The following CCNI2 variants were observed in gnomAD, a reference collection of about 807,000 sequenced individuals.
CCNI2 encodes cyclin-I2.
Under a neutral mutation model 33.2 loss-of-function variants are expected in CCNI2, and 32 were observed. The observed-to-expected ratio is 0.96, with a 90% CI of 0.73 to 1.30. CCNI2 has a LOEUF of 1.30. CCNI2 is among the 50% of genes most tolerant of loss of function. The pLI is 0.00. For synonymous variants in CCNI2, 231 were observed against 219.9 expected (o/e 1.05, Z -0.45); for missense variants, 452 against 486.2 (o/e 0.93, Z 0.66).
rs775192460 is a variant in CCNI2 at position 132,752,865 on chromosome 5, G to A, written c.1006-1G>A. ...AAGATGGCCACTCTATTCTAATACA[G>A]GTTGGTGATATGCAGTACAGCTGCT... On this transcript the variant is annotated splice_acceptor_variant, in intron 5 of 5. Transcript: ENST00000378731. LOFTEE classifies it high-confidence loss of function. 6.2e-6 allele frequency: 10 copies of A among 1,613,076 alleles called. No individual in the cohort carries two copies. The highest frequency in any genetic ancestry group is 8.5e-6 in the Non-Finnish European group (10 of 1,179,234).
At position 132,754,209 on chromosome 5, in the gene CCNI2, C is replaced by T. The variant is rs1755130499; in HGVS notation, c.*1239C>T. On this transcript the variant is annotated 3_prime_UTR_variant, in exon 6 of 6. Coordinates refer to ENST00000378731, the MANE Select transcript of CCNI2 (RefSeq NM_001039780.4). ...TTGAGCTACCATGCATTTAGCCTTG[C>T]GAGAGTCAGATACATTTGGAACACT... 3 of 545,500 alleles carry T rather than the reference C, an allele frequency of 5.5e-6. No homozygotes were observed. Among genetic ancestry groups the T allele is most frequent in the East Asian group, 2.9e-5 (1 of 33,976 alleles). The allele number at this position is 545,500 out of a possible 1,614,324, so 33.8% of individuals were successfully genotyped here. A position where few individuals can be genotyped will look rare whatever the true frequency, so the allele number is the denominator to read the frequency against.
rs781269769 is a variant in CCNI2 at position 132,748,327 on chromosome 5, C to T, written c.430-20C>T. 4 of 1,613,462 alleles carry T rather than the reference C, an allele frequency of 2.5e-6. No individual in the cohort carries two copies. Among genetic ancestry groups the T allele is most frequent in the Non-Finnish European group, 3.4e-6 (4 of 1,179,694 alleles). ...GCCGCTAGCGACCTTCCTCGCCCCA[C>T]CTGCTCTTCTTCCTAGCAGGATGAA... On this transcript the variant is annotated intron_variant, in intron 1 of 5. Coordinates refer to ENST00000378731, the MANE Select transcript of CCNI2 (RefSeq NM_001039780.4).
intron 4 of CCNI2, chr5:132,751,589 A>G: frequency 3.4e-6 from 1 of 291,568 alleles, no homozygotes; most frequent in Non-Finnish European, 6.4e-6. Flanking sequence ...TTTCATTACG[A>G]AAACTGGCCA....
chr5:132,752,334 A>G, intron 5 of CCNI2, 138 bp downstream of exon 5: 1 of 1,042,440 alleles, frequency 9.6e-7, no homozygotes, highest in East Asian at 2.6e-5. Flanking sequence ...AGTCTGCCCA[A>G]AGGCTAGGCT....
At chr5:132,751,158 G>C in intron 4 of CCNI2, 161 bp downstream of exon 4, 1 of 678,722 alleles carries the variant, frequency 1.5e-6, no homozygotes. Context: ...AGAGTGAAAA[G>C]GTATCTTAAA....
Position 132,753,030 on chromosome 5 carries a change from A to G in CCNI2, c.*60A>G. 1.5e-6 allele frequency: 2 copies of G among 1,328,042 alleles called. No individual in the cohort carries two copies. The highest frequency in any genetic ancestry group is 2.2e-6 in the Non-Finnish European group (2 of 923,230). 82.3% of individuals were successfully genotyped at this position (1,328,042 alleles called of 1,614,324 possible). On this transcript the variant is annotated 3_prime_UTR_variant, in exon 6 of 6. Coordinates refer to ENST00000378731, the MANE Select transcript of CCNI2 (RefSeq NM_001039780.4). ...AGTGTGAAACCTCCTTGCTTGGACT[A>G]CCATGAGTTCTTTGGCTTGTTATGA...
In CCNI2 at chr5:132,753,271, T is replaced by G; in HGVS notation, c.*301T>G. On this transcript the variant is annotated 3_prime_UTR_variant, in exon 6 of 6. Transcript: ENST00000378731. ...TGTTCAAATGGCAGCTTGTTTTACC[T>G]TCCTTCTCCAGCAAGGGTTGGCATT... 1 of 344,438 alleles carries G rather than the reference T, an allele frequency of 2.9e-6. No homozygotes were observed. The allele number at this position is 344,438 out of a possible 1,614,324, so 21.3% of individuals were successfully genotyped here. A position where few individuals can be genotyped will look rare whatever the true frequency, so the allele number is the denominator to read the frequency against.
At position 132,747,472 on chromosome 5, in the gene CCNI2, C is replaced by A; in HGVS notation, c.-24C>A. 2 of 1,426,106 alleles carry A rather than the reference C, an allele frequency of 1.4e-6. No homozygotes were observed. The highest frequency in any genetic ancestry group is 1.5e-5 in the South Asian group (1 of 68,188). The allele number at this position is 1,426,106 out of a possible 1,614,324, so 88.3% of individuals were successfully genotyped here. A position where few individuals can be genotyped will look rare whatever the true frequency, so the allele number is the denominator to read the frequency against. ...TAAAATGCCGGGTTAAGCGGCAACT[C>A]AGACTCAGGATCCCGCTCACGACAT... On this transcript the variant is annotated 5_prime_UTR_variant, in exon 1 of 6. Transcript: ENST00000378731. This position sits in a 1 kb window ranked among gnomAD's most constrained non-coding sequence, Gnocchi z 4.1.
intron 3 of CCNI2, 144 bp downstream of exon 3, chr5:132,749,566 T>C (rs1480965314): frequency 1.5e-6 from 1 of 671,950 alleles, no homozygotes; most frequent in Non-Finnish European, 2.7e-6. Context: ...ATCTCTGCTA[T>C]CCCTTCCATC....
At chr5:132,752,568 G>T (rs1427236506) in intron 5 of CCNI2, among the ~76,000 whole-genome samples, 2 of 152,164 alleles carry the variant, frequency 1.3e-5, no homozygotes, top group East Asian at 3.8e-4. Context: ...TCCTTTGTAT[G>T]AGTGTGTGGT....
Position 132,748,361 on chromosome 5 carries a change from C to T in CCNI2, c.444C>T (p.Asp148=), listed in dbSNP as rs772726968. 1.2e-6 allele frequency: 2 copies of T among 1,614,080 alleles called. No homozygotes were observed. The highest frequency in any genetic ancestry group is 1.7e-6 in the Non-Finnish European group (2 of 1,180,008). ...RGGKPQDEIC[D]AFEEVVLWLL... Reference sequence around the variant, plus strand: ...CTTCCTAGCAGGATGAAATCTGCGACGCCTTCGAGGAAGTCGTGCTGTGGC... The same window carrying T: ...CTTCCTAGCAGGATGAAATCTGCGATGCCTTCGAGGAAGTCGTGCTGTGGC... The change falls in exon 2 of 6, where the codon GAC becomes GAT. Residue 148 remains aspartate (D), a synonymous_variant. Transcript: ENST00000378731.
At position 132,752,007 on chromosome 5, in the gene CCNI2, G is replaced by C. The variant is rs759108150; in HGVS notation, c.816G>C (p.Glu272Asp). ...LVVLSWPHVL[E>D]LLPQRNPSLH... ...TCCTGAGCTGGCCCCATGTGTTGGA[G>C]CTGCTGCCTCAGAGGAATCCTTCCC... is the stretch of plus-strand genomic sequence containing the variant. The change falls in exon 5 of 6, where the codon GAG (glutamate) becomes GAC (aspartate). Residue 272 changes from glutamate to aspartate, a missense_variant. Physicochemically the swap from Glu to Asp is conservative, Grantham distance 45 (BLOSUM62 2). Coordinates refer to ENST00000378731, the MANE Select transcript of CCNI2 (RefSeq NM_001039780.4). 8 of 1,612,304 alleles carry C rather than the reference G, an allele frequency of 5.0e-6. No individual in the cohort carries two copies. In the Admixed American group the frequency reaches 1.0e-4, roughly 20 times the overall value.
chr5:132,747,565 G>C lies in CCNI2; in HGVS notation c.70G>C (p.Gly24Arg). Residue 24 changes from glycine (G) to arginine (R), a missense_variant, in exon 1 of 6, where the codon GGG becomes CGG. Coordinates refer to ENST00000378731, the MANE Select transcript of CCNI2 (RefSeq NM_001039780.4). This position sits in a 1 kb window ranked among gnomAD's most constrained non-coding sequence, Gnocchi z 4.1. ...SEVSAVQSPG[G>R]RPGAGLEETA... ...GGTCAGCGCCGTCCAGAGCCCAGGCGGGCGTCCCGGCGCCGGTCTGGAGGA... is the reference window on the plus strand; with the variant it reads ...GGTCAGCGCCGTCCAGAGCCCAGGCCGGCGTCCCGGCGCCGGTCTGGAGGA... The C allele has an allele frequency of 6.7e-7, 1 of 1,497,198 alleles. No homozygotes were observed. Among genetic ancestry groups the C allele is most frequent in the Non-Finnish European group, 8.9e-7 (1 of 1,129,430 alleles). 92.7% of individuals were successfully genotyped at this position (1,497,198 alleles called of 1,614,324 possible).
intron 5 of CCNI2, 31 bp from the exon 6 acceptor site, chr5:132,752,835 G>C (rs748203029): frequency 2.5e-6 from 4 of 1,568,958 alleles, no homozygotes; most frequent in Non-Finnish European, 3.5e-6. Context: ...TGATGGTTCT[G>C]CTTGAAGATG....
At chr5:132,748,297 G>T in intron 1 of CCNI2, 50 bp from the exon 2 acceptor site, 1 of 1,582,132 alleles carries the variant, frequency 6.3e-7, no homozygotes, top group Non-Finnish European at 8.5e-7. Context: ...GGGGGACCAG[G>T]AGTGGCCGCT....
In CCNI2 at chr5:132,752,977, T is replaced by TGG; in HGVS notation, c.*8_*9insGG. 11 of 1,609,006 alleles carry TGG rather than the reference T, an allele frequency of 6.8e-6. No individual in the cohort carries two copies. The highest frequency in any genetic ancestry group is 9.4e-6 in the Non-Finnish European group (11 of 1,175,546). ...TGTGTCACCTGCCAACTAGCCCCTC[T>TGG]GCCTCCACCCCGGGGCTTTCAGAGC... On this transcript the variant is annotated 3_prime_UTR_variant, in exon 6 of 6. Transcript: ENST00000378731.
chr5:132,747,429 G>A lies in CCNI2; in HGVS notation c.-67G>A, dbSNP rs998916108. The A allele has an allele frequency of 7.4e-6, 10 of 1,346,028 alleles. No homozygotes were observed. Among genetic ancestry groups the A allele is most frequent in the Middle Eastern group, 4.9e-4 (2 of 4,112 alleles). The allele number at this position is 1,346,028 out of a possible 1,614,324, so 83.4% of individuals were successfully genotyped here. On this transcript the variant is annotated 5_prime_UTR_variant, in exon 1 of 6. Coordinates refer to ENST00000378731, the MANE Select transcript of CCNI2 (RefSeq NM_001039780.4). This position sits in a 1 kb window ranked among gnomAD's most constrained non-coding sequence, Gnocchi z 4.1. ...CCCCGGCGGCGCCCCAGGCTGCAGT[G>A]TTCCGGGAGCTGGGTTATAAAATGC...
chr5:132,755,902 A>G, downstream of CCNI2: 1 of 920,538 alleles, frequency 1.1e-6, no homozygotes, highest in Non-Finnish European at 1.3e-6. Context: ...CACAAAATTC[A>G]AAGAACAGAC....
chr5:132,749,341 A>G lies in CCNI2; in HGVS notation c.559-7A>G. On this transcript the variant is annotated splice_region_variant and splice_polypyrimidine_tract_variant and intron_variant, in intron 2 of 5. Coordinates refer to ENST00000378731, the MANE Select transcript of CCNI2 (RefSeq NM_001039780.4). ...TTCTGCTCAAATGTGTTTGTTCCAT[A>G]CTGCAGGTAAAAGAGAAATACCTGC... 2 of 1,610,636 alleles carry G rather than the reference A, an allele frequency of 1.2e-6. No individual in the cohort carries two copies. Among genetic ancestry groups the G allele is most frequent in the Non-Finnish European group, 1.7e-6 (2 of 1,176,794 alleles).
Sources: gnomAD v4.1 joint callset for allele counts (sites outside exome capture counted in the v4.1 genomes callset) on GRCh38, gnomAD v4.1.1 for gene constraint, Gnocchi (gnomAD v3.1) non-coding constraint, MANE v1.5 for transcripts, NCBI Gene and HGNC (gene_info 2026-07-23, HGNC 2026-07-21) for gene names.